The following DNMBP variants were observed in gnomAD, a reference collection of about 807,000 sequenced individuals.
The protein encoded by DNMBP is dynamin binding protein, also known as dynamin-binding protein.
In DNMBP, 87 loss-of-function variants were observed where a neutral mutation model predicts 150.0. The observed-to-expected ratio is 0.58, with a 90% CI of 0.49 to 0.69. The LOEUF (loss-of-function observed/expected upper bound fraction) is 0.69, where lower values mean the gene tolerates loss of function less well. Among genes scored for constraint, DNMBP ranks in the 30% least tolerant of loss-of-function variants. DNMBP has a pLI of 0.00. For missense variants in DNMBP, 1,774 were observed against 1,949.0 expected (o/e 0.91, Z 1.69); for synonymous variants, 711 against 750.4 (o/e 0.95, Z 0.86).
At chr10:99,981,699 T>C (rs1254000769) in intron 1 of DNMBP, among the ~76,000 whole-genome samples, 3 of 152,170 alleles carry the variant, frequency 2.0e-5, no homozygotes, top group Non-Finnish European at 4.4e-5. Context: ...CTACCCTGTG[T>C]TCCCGGAGGC....
chr10:99,973,080 CATTT>C (rs35399198), intron 1 of DNMBP, among the ~76,000 whole-genome samples: 67,649 of 149,544 alleles, frequency 0.45, 15,901 homozygotes, highest in African/African-American at 0.58. Flanking sequence ...CTGCCTGCGG[CATTT>C]ATTTATTTAT....
chr10:99,972,364 G>A (rs575363527), intron 1 of DNMBP, among the ~76,000 whole-genome samples: 1 of 152,108 alleles, frequency 6.6e-6, no homozygotes, highest in East Asian at 1.9e-4. Context: ...CGACTTCCTG[G>A]GCTCAGGTGA....
At chr10:99,972,626 G>A (rs1016035646) in intron 1 of DNMBP, among the ~76,000 whole-genome samples, 6 of 149,884 alleles carry the variant, frequency 4.0e-5, no homozygotes, top group Admixed American at 2.7e-4. Context: ...TTTGGGGGCC[G>A]GGGGAAACAG....
At chr10:99,900,820 G>A (rs908209920) in intron 6 of DNMBP, among the ~76,000 whole-genome samples, 2 of 152,078 alleles carry the variant, frequency 1.3e-5, no homozygotes, top group South Asian at 2.1e-4. Context: ...TAGTAGAGAC[G>A]GAGTTCTTCT....
chr10:99,905,542 G>A (rs2039814340), intron 6 of DNMBP, among the ~76,000 whole-genome samples: 1 of 152,132 alleles, frequency 6.6e-6, no homozygotes, highest in South Asian at 2.1e-4. Context: ...GGGCAACAGA[G>A]CAAGACCTCA....
intron 4 of DNMBP, among the ~76,000 whole-genome samples, chr10:99,922,528 A>ATT (rs1564733011): frequency 9.9e-4 from 3 of 3,028 alleles, no homozygotes; most frequent in Non-Finnish European, 6.0e-4. Flanking sequence ...TTTTTTTCTT[A>ATT]AAAAAAAAAA....
chr10:99,898,812 T>G, intron 7 of DNMBP, 52 bp from the exon 8 acceptor site: 2 of 1,518,846 alleles, frequency 1.3e-6, no homozygotes, highest in Non-Finnish European at 1.8e-6. Context: ...AGAGAGAGAA[T>G]CTTGAGTTTC....
chr10:99,884,208 G>A lies in DNMBP; in HGVS notation c.3800C>T (p.Pro1267Leu). ...TTCTTCTGACTGTAGCATGTAACTT[G>A]GCTGAAAGGTAAGACGTTAACAAAA... ...QSARKPLLGL[P>L]SYMLQSEELR... Residue 1267 changes from proline (P) to leucine (L), a missense_variant and splice_region_variant, in exon 15 of 17, where the codon CCA becomes CTA. Around this residue, in one of 2 missense-constraint regions of DNMBP, gnomAD observed 1,430 missense variants for 1,492.5 expected, o/e 0.96. Transcript: ENST00000324109. The A allele has an allele frequency of 1.2e-6, 2 of 1,611,896 alleles. No individual in the cohort carries two copies. Among genetic ancestry groups the A allele is most frequent in the Middle Eastern group, 2.0e-4 (1 of 5,126 alleles).
At chr10:99,930,756 T>G in intron 4 of DNMBP, 1 of 663,376 alleles carries the variant, frequency 1.5e-6, no homozygotes, top group Non-Finnish European at 2.7e-6. Context: ...CTTCTGGGTT[T>G]CACACATATT....
chr10:99,980,020 C>T (rs1008852143), intron 1 of DNMBP, among the ~76,000 whole-genome samples: 1 of 152,196 alleles, frequency 6.6e-6, no homozygotes, highest in Admixed American at 6.5e-5. Context: ...ACTCATTTGC[C>T]ATGTCTTAAG....
At chr10:99,987,529 T>G (rs2040842103) in intron 1 of DNMBP, among the ~76,000 whole-genome samples, 1 of 151,624 alleles carries the variant, frequency 6.6e-6, no homozygotes, top group African/African-American at 2.4e-5. Context: ...AGGTCAGGAG[T>G]TCGAGACCAA....
Position 99,877,820 on chromosome 10 carries a change from C to T in DNMBP, c.4549-484G>A, listed in dbSNP as rs187389795. Among the ~76,000 whole-genome samples, 33 of 152,242 alleles carry T rather than the reference C, an allele frequency of 2.2e-4. No homozygotes were observed. The East Asian group carries it at 2.5e-3, about 12-fold the overall frequency. On this transcript the variant is annotated intron_variant, in intron 16 of 16. Coordinates refer to ENST00000324109, the MANE Select transcript of DNMBP (RefSeq NM_015221.4). ...CAGAGGTTGCAGTGAGCCAAGATCGCGCCACTGGACTCCAGACCCTGGGCG... is the reference window on the plus strand; with the variant it reads ...CAGAGGTTGCAGTGAGCCAAGATCGTGCCACTGGACTCCAGACCCTGGGCG...
rs1758413133 is a variant in DNMBP at position 99,994,125 on chromosome 10, A to T, written c.-11+15713T>A. 2.6e-5 allele frequency among the ~76,000 whole-genome samples: 4 copies of T among 152,286 alleles called. No homozygotes were observed. The South Asian group carries it at 8.3e-4, about 32-fold the overall frequency. ...GAATTGTATTAAGTAATAACTACAT[A>T]ACAGTTAGGAGCCCAGACTCCAGTC... is the stretch of plus-strand genomic sequence containing the variant. On this transcript the variant is annotated intron_variant, in intron 1 of 16. Transcript: ENST00000324109.
intron 4 of DNMBP, chr10:99,930,968 C>CT (rs1735685745): frequency 1.5e-5 from 7 of 475,224 alleles, no homozygotes; most frequent in African/African-American, 6.0e-5. Context: ...GCGAGCTACT[C>CT]TATCTTTCTC....
At chr10:100,004,152 G>C (rs779911661) in intron 1 of DNMBP, among the ~76,000 whole-genome samples, 5 of 151,246 alleles carry the variant, frequency 3.3e-5, no homozygotes, top group Admixed American at 6.6e-5. Context: ...GGCTAGAATG[G>C]GAGGATCACT....
chr10:99,916,655 TAAAAA>T (rs34566626), intron 4 of DNMBP, among the ~76,000 whole-genome samples: 3 of 149,238 alleles, frequency 2.0e-5, no homozygotes, highest in Non-Finnish European at 4.5e-5. Context: ...TTTTTCTACT[TAAAAA>T]AAAAAATCGA....
intron 3 of DNMBP, among the ~76,000 whole-genome samples, chr10:99,966,188 C>T (rs1355908963): frequency 3.9e-5 from 6 of 151,990 alleles, no homozygotes; most frequent in East Asian, 1.9e-4. Flanking sequence ...AAAAAAAAAA[C>T]GTGAAAGGCA....
intron 4 of DNMBP, chr10:99,930,545 CTG>C (rs1224846564): frequency 1.4e-6 from 1 of 703,000 alleles, no homozygotes; most frequent in Non-Finnish European, 2.6e-6. Flanking sequence ...TTGGTTCACT[CTG>C]TTCAAAATCC....
At chr10:99,975,322 G>A (rs1429928778) in intron 1 of DNMBP, among the ~76,000 whole-genome samples, 6 of 151,374 alleles carry the variant, frequency 4.0e-5, no homozygotes, top group East Asian at 1.9e-4. Flanking sequence ...TCGCACCATT[G>A]CACTCCAGCC....
Sources: allele counts gnomAD v4.1 joint callset (sites outside exome capture counted in the v4.1 genomes callset), GRCh38; gene constraint gnomAD v4.1.1; regional missense constraint gnomAD v4.1.1; transcripts MANE v1.5; gene names NCBI Gene and HGNC (gene_info 2026-07-23, HGNC 2026-07-21).